The following ZNF638 variants were observed in gnomAD, a reference collection of about 807,000 sequenced individuals.
ZNF638 encodes CTCL tumor antigen se33-1.
In ZNF638, 46 loss-of-function variants were observed where a neutral mutation model predicts 195.6. The observed-to-expected ratio is 0.24, with a 90% CI of 0.19 to 0.30. The LOEUF is 0.30. ZNF638 is among the 10% of genes least tolerant of loss of function. The pLI is 1.00. For synonymous variants in ZNF638, 845 were observed against 772.0 expected, an observed-to-expected ratio of 1.09 and a Z score of -1.57; for missense variants, 2,440 against 2,325.3, an observed-to-expected ratio of 1.05 and a Z score of -1.01.
intron 3 of ZNF638, among the ~76,000 whole-genome samples, chr2:71,362,495 G>C (rs889897834): frequency 6.6e-6 from 1 of 151,934 alleles, no homozygotes. Flanking sequence ...TTCGTAATTT[G>C]TCTCTACCTG....
Position 71,428,392 on chromosome 2 carries a change from AAT to A in ZNF638, c.5546-154_5546-153del, listed in dbSNP as rs2080582916. 5.8e-6 allele frequency: 3 copies of A among 513,520 alleles called. No individual in the cohort carries two copies. In the East Asian group the frequency reaches 9.7e-5, roughly 17 times the overall value. The allele number at this position is 513,520 out of a possible 1,614,324, so 31.8% of individuals were successfully genotyped here. A position where few individuals can be genotyped will look rare whatever the true frequency, so the allele number is the denominator to read the frequency against. On this transcript the variant is annotated intron_variant, in intron 24 of 27. Coordinates refer to ENST00000264447, the MANE Select transcript of ZNF638 (RefSeq NM_014497.5). ...GATTAAACTGATTATTTTAAAATAG[AAT>A]TCTTCTATTTTATATTAGCAGTAGG...
chr2:71,390,631 C>T (rs1004919076), intron 10 of ZNF638, among the ~76,000 whole-genome samples: 3 of 152,068 alleles, frequency 2.0e-5, no homozygotes, highest in South Asian at 2.1e-4. Context: ...GCACGGGAGC[C>T]GTAGGAGTGT....
intron 11 of ZNF638, among the ~76,000 whole-genome samples, chr2:71,397,297 C>T (rs1443154150): frequency 6.6e-6 from 1 of 152,100 alleles, no homozygotes. Flanking sequence ...GTGATAATAA[C>T]ATAGGGATAG....
chr2:71,383,762 CT>C (rs1181570876), intron 10 of ZNF638, among the ~76,000 whole-genome samples: 33,285 of 76,116 alleles, frequency 0.44, 6,772 homozygotes, highest in East Asian at 0.72. Flanking sequence ...TTTTCTTTTT[CT>C]TTTTTTTTTT....
rs376171629 is a variant in ZNF638, at chr2:71,370,011, C to T, written c.2265+6C>T. The T allele has an allele frequency of 1.5e-5, 24 of 1,587,778 alleles. No homozygotes were observed. Among genetic ancestry groups the T allele is most frequent in the Non-Finnish European group, 1.9e-5 (22 of 1,172,760 alleles). Reference sequence around the variant, plus strand: ...CAGGAAAGAAAAAAGCACAGGTAATCTGGATTTAGGTCTTAAATGTTTTAT... The same window carrying T: ...CAGGAAAGAAAAAAGCACAGGTAATTTGGATTTAGGTCTTAAATGTTTTAT... On this transcript the variant is annotated splice_donor_region_variant and intron_variant, in intron 8 of 27. Coordinates refer to ENST00000264447, the MANE Select transcript of ZNF638 (RefSeq NM_014497.5).
intron 8 of ZNF638, among the ~76,000 whole-genome samples, chr2:71,373,399 T>G (rs1573069548): frequency 6.6e-6 from 1 of 151,852 alleles, no homozygotes; most frequent in South Asian, 2.1e-4. Context: ...TTTCTTACAG[T>G]CTGTTGCTTG....
At chr2:71,352,503 A>T (rs1212503484) in intron 2 of ZNF638, among the ~76,000 whole-genome samples, 6 of 151,548 alleles carry the variant, frequency 4.0e-5, no homozygotes, top group African/African-American at 7.3e-5. Context: ...AATAAAAAAA[A>T]AAAAAAAGAA....
intron 8 of ZNF638, among the ~76,000 whole-genome samples, chr2:71,374,591 T>C (rs1314170493): frequency 1.3e-5 from 2 of 152,206 alleles, no homozygotes; most frequent in African/African-American, 4.8e-5. Context: ...GTTGAATTCG[T>C]GATAGTATTT....
Position 71,428,587 on chromosome 2 carries a change from G to A in ZNF638, c.5586G>A (p.Leu1862=). 6.2e-7 allele frequency: 1 copy of A among 1,614,034 alleles called. No individual in the cohort carries two copies. The highest frequency in any genetic ancestry group is 2.2e-5 in the East Asian group (1 of 44,860). Residue 1862 remains leucine (L), a synonymous_variant, in exon 25 of 28, where the codon CTG becomes CTA. Coordinates refer to ENST00000264447, the MANE Select transcript of ZNF638 (RefSeq NM_014497.5). ...PTKRVRIGKT[L]PSEKAVVTEP... ...AGAGAGTTAGAATTGGGAAAACTCTGCCATCAGAAAAAGCTGTTGTGACAG... is the reference window on the plus strand; with the variant it reads ...AGAGAGTTAGAATTGGGAAAACTCTACCATCAGAAAAAGCTGTTGTGACAG...
chr2:71,397,719 TA>T (rs2079923593), intron 11 of ZNF638, among the ~76,000 whole-genome samples: 1 of 152,218 alleles, frequency 6.6e-6, no homozygotes, highest in African/African-American at 2.4e-5. Context: ...ATTTCGAAGT[TA>T]AATCTTCTGT....
intron 8 of ZNF638, chr2:71,380,018 AATG>A (rs1246131952): frequency 5.2e-6 from 2 of 386,284 alleles, no homozygotes; most frequent in African/African-American, 2.1e-5. Context: ...TGCTGTAGTT[AATG>A]ATAAGAAAAT....
At chr2:71,364,386 A>C in intron 5 of ZNF638, 134 bp downstream of exon 5, 2 of 924,374 alleles carry the variant, frequency 2.2e-6, no homozygotes, top group Non-Finnish European at 3.1e-6. Context: ...CCCACATGCC[A>C]CAGAGTTATT....
rs139394121 is a variant in ZNF638 at position 71,423,497 on chromosome 2, C to T, written c.3983C>T (p.Thr1328Ile). The T allele has an allele frequency of 1.4e-5, 23 of 1,613,696 alleles. No individual in the cohort carries two copies. Among genetic ancestry groups the T allele is most frequent in the Non-Finnish European group, 1.9e-5 (22 of 1,179,942 alleles). ...ACCAGAATGGATCTTCAAATAGGAA[C>T]AGAGAAGGCTGAAAAGAATGAAGGT... The part of the protein sequence containing the change: ...KETRMDLQIG[T>I]EKAEKNEGRM... The change falls in exon 22 of 28, where the codon ACA becomes ATA. Residue 1328 changes from threonine to isoleucine, a missense_variant. Around this residue, in one of 5 missense-constraint regions of ZNF638, gnomAD observed 1,883 missense variants for 1,739.1 expected, o/e 1.08. Transcript: ENST00000264447.
At chr2:71,398,632 G>A in intron 11 of ZNF638, 69 bp from the exon 12 acceptor site, 2 of 1,210,908 alleles carry the variant, frequency 1.7e-6, no homozygotes, top group Admixed American at 1.7e-5. Flanking sequence ...CTTTTTCTCT[G>A]TGAGGTTCTT....
chr2:71,406,133 C>T lies in ZNF638; in HGVS notation c.3006C>T (p.Asn1002=). 1 of 1,613,334 alleles carries T rather than the reference C, an allele frequency of 6.2e-7. No homozygotes were observed. The change falls in exon 19 of 28, where the codon AAC becomes AAT. Residue 1002 remains asparagine (N), a synonymous_variant. Coordinates refer to ENST00000264447, the MANE Select transcript of ZNF638 (RefSeq NM_014497.5). ...TGTCTCTTAAAAAACTACAGGCAAA[C>T]ATAGATACAATTTATGATCGATTTG... ...TLVKENDPEA[N]IDTIYDRFVH... is the part of the protein sequence containing the mutation.
chr2:71,339,389 G>A (rs1292575556), intron 1 of ZNF638, among the ~76,000 whole-genome samples: 1 of 152,138 alleles, frequency 6.6e-6, no homozygotes, highest in Non-Finnish European at 1.5e-5. Flanking sequence ...CTGACCTGGT[G>A]ATCCGCCCTC....
chr2:71,422,079 A>C (rs908634336), intron 21 of ZNF638, among the ~76,000 whole-genome samples: 5 of 152,158 alleles, frequency 3.3e-5, no homozygotes, highest in Non-Finnish European at 5.9e-5. Context: ...ATTATACATT[A>C]TTCTCTTGAA....
intron 1 of ZNF638, among the ~76,000 whole-genome samples, chr2:71,339,273 C>G (rs1489188903): frequency 1.3e-5 from 2 of 151,984 alleles, no homozygotes; most frequent in Non-Finnish European, 1.5e-5. Context: ...CTGCCTCAGC[C>G]TCCTGAGTGG....
chr2:71,426,213 T>C (rs1470545705), intron 23 of ZNF638, among the ~76,000 whole-genome samples: 1 of 152,224 alleles, frequency 6.6e-6, no homozygotes, highest in Non-Finnish European at 1.5e-5. Flanking sequence ...GTAATCTTAT[T>C]GAATTTAAGT....
Sources: gnomAD v4.1 joint callset for allele counts (sites outside exome capture counted in the v4.1 genomes callset) on GRCh38, gnomAD v4.1.1 for gene constraint, gnomAD v4.1.1 regional missense constraint, MANE v1.5 for transcripts, NCBI Gene and HGNC (gene_info 2026-07-23, HGNC 2026-07-21) for gene names.